The following MYO18B variants were observed in gnomAD, a reference collection of about 807,000 sequenced individuals.
The protein encoded by MYO18B is unconventional myosin-XVIIIb.
Under a neutral mutation model 273.0 loss-of-function variants are expected in MYO18B, and 204 were observed. The ratio of observed to expected loss-of-function variants is 0.75; its 90% CI spans 0.67 to 0.84. The LOEUF (loss-of-function observed/expected upper bound fraction) is 0.84. MYO18B is among the 40% of genes least tolerant of loss of function. The probability of loss-of-function intolerance (pLI) is 0.00; values close to 1 mark genes in which losing one functional copy is unlikely to be tolerated. For missense variants in MYO18B, 3,212 were observed against 3,287.6 expected (o/e 0.98, Z 0.56); for synonymous variants, 1,330 against 1,305.7 (o/e 1.02, Z -0.40).
At position 25,761,083 on chromosome 22, in the gene MYO18B, C is replaced by T. The variant is rs773367552; in HGVS notation, c.-10C>T. ...ATCTCATCATCTCACGGCCCTGGCACTGCCTCAGCATGGCCATCTCATCAC... is the reference window on the plus strand; with the variant it reads ...ATCTCATCATCTCACGGCCCTGGCATTGCCTCAGCATGGCCATCTCATCAC... On this transcript the variant is annotated 5_prime_UTR_variant, in exon 2 of 44. Transcript: ENST00000335473. 1 of 1,613,482 alleles carries T rather than the reference C, an allele frequency of 6.2e-7. No individual in the cohort carries two copies. Among genetic ancestry groups the T allele is most frequent in the Admixed American group, 1.7e-5 (1 of 60,030 alleles).
chr22:25,744,104 G>T (rs116965204), intron 1 of MYO18B, among the ~76,000 whole-genome samples: 1 of 152,298 alleles, frequency 6.6e-6, no homozygotes, highest in Non-Finnish European at 1.5e-5. Flanking sequence ...CTCAGCACCT[G>T]CCCTGTCAAA....
In MYO18B at chr22:25,903,790, A is replaced by G. The variant is rs1227582233; in HGVS notation, c.5107A>G (p.Ile1703Val). The G allele has an allele frequency of 6.2e-7, 1 of 1,603,478 alleles. No homozygotes were observed. Among genetic ancestry groups the G allele is most frequent in the South Asian group, 1.1e-5 (1 of 88,950 alleles). Residue 1703 changes from isoleucine (I) to valine (V), a missense_variant, in exon 31 of 44, where the codon ATC (isoleucine) becomes GTC (valine). Physicochemically the swap from Ile to Val is conservative, Grantham distance 29 (BLOSUM62 3). Coordinates refer to ENST00000335473, the MANE Select transcript of MYO18B (RefSeq NM_032608.7). ...ATCCAGCGCCCTTGAGCAACAGAAA[A>G]TCCAGAGCCAGCAGGAAAACACCAT... ...LESSALEQQK[I>V]QSQQENTIKQ...
intron 12 of MYO18B, among the ~76,000 whole-genome samples, chr22:25,806,232 G>A (rs762617114): frequency 2.6e-5 from 4 of 152,210 alleles, no homozygotes; most frequent in Admixed American, 1.3e-4. Context: ...GGCAGGTGAA[G>A]GAGAGGGACC....
intron 22 of MYO18B, among the ~76,000 whole-genome samples, chr22:25,872,474 G>A (rs1485119122): frequency 6.6e-6 from 1 of 152,188 alleles, no homozygotes; most frequent in African/African-American, 2.4e-5. Flanking sequence ...TTCATAACCT[G>A]CCTGAGCCAG....
At chr22:25,874,247 T>G (rs766618528) in intron 22 of MYO18B, 39 bp from the exon 23 acceptor site, 5 of 1,612,238 alleles carry the variant, frequency 3.1e-6, no homozygotes, top group Non-Finnish European at 4.2e-6. Flanking sequence ...GACAGCCTTC[T>G]TCAGCAGAGG....
intron 12 of MYO18B, among the ~76,000 whole-genome samples, chr22:25,820,231 T>C (rs955184005): frequency 1.3e-5 from 2 of 151,740 alleles, no homozygotes; most frequent in African/African-American, 4.8e-5. Flanking sequence ...ACAGTGATGC[T>C]CTTGTGACCA....
At chr22:25,960,105 T>C (rs73414070) in intron 39 of MYO18B, among the ~76,000 whole-genome samples, 2,072 of 152,274 alleles carry the variant, frequency 0.014, 44 homozygotes, top group African/African-American at 0.047. Context: ...CAGATCAGGA[T>C]CAATTACCCC....
downstream of MYO18B, among the ~76,000 whole-genome samples, chr22:26,032,679 G>A (rs909189406): frequency 2.0e-5 from 3 of 151,928 alleles, no homozygotes; most frequent in African/African-American, 7.3e-5. Flanking sequence ...GCACCACCAG[G>A]CCCAGCTAAT....
intron 27 of MYO18B, chr22:25,894,682 C>T (rs551385695): frequency 6.5e-6 from 1 of 153,530 alleles, no homozygotes; most frequent in East Asian, 1.9e-4. Flanking sequence ...TAAAGTTGGC[C>T]AGTAGGATGA....
the MYO18B span, among the ~76,000 whole-genome samples, chr22:26,041,620 T>C: frequency 6.6e-6 from 1 of 152,146 alleles, no homozygotes; most frequent in African/African-American, 2.4e-5. Context: ...TGATTTTACC[T>C]GGGATTTTTG....
chr22:25,799,160 T>TGTGTGTGTGTGTGTGC (rs908649603), intron 12 of MYO18B, among the ~76,000 whole-genome samples: 1 of 151,510 alleles, frequency 6.6e-6, no homozygotes, highest in Non-Finnish European at 1.5e-5. Context: ...TGTGTGTGTG[T>TGTGTGTGTGTGTGTGC]GCTTGGATAG....
At chr22:25,945,911 A>C (rs866953174) in intron 34 of MYO18B, among the ~76,000 whole-genome samples, 1 of 86 alleles carries the variant, frequency 0.012, no homozygotes, top group Admixed American at 0.083. Context: ...CGCCTCCCCT[A>C]CCCTCCCCTC....
intron 42 of MYO18B, among the ~76,000 whole-genome samples, chr22:26,010,829 C>T (rs1934852684): frequency 2.0e-5 from 3 of 152,062 alleles, no homozygotes; most frequent in Admixed American, 2.0e-4. Context: ...AACAGAAAAC[C>T]TCTTGGCAGT....
chr22:25,896,804 T>C (rs2091814825), intron 28 of MYO18B: 1 of 152,084 alleles, frequency 6.6e-6, no homozygotes, highest in South Asian at 2.1e-4. Flanking sequence ...ATTTCCCTGG[T>C]GTAAATACTC....
At chr22:25,944,163 A>G (rs1255602261) in intron 34 of MYO18B, among the ~76,000 whole-genome samples, 1 of 152,158 alleles carries the variant, frequency 6.6e-6, no homozygotes, top group Admixed American at 6.5e-5. Flanking sequence ...GAGGCACTTG[A>G]GTTACCTGCT....
At chr22:26,032,009 G>A (rs1233970095), downstream of MYO18B, among the ~76,000 whole-genome samples, 2 of 152,210 alleles carry the variant, frequency 1.3e-5, no homozygotes, top group East Asian at 1.9e-4. Flanking sequence ...CCAAAAGCTC[G>A]CCAACACTTA....
rs529708298 is a variant in MYO18B, at chr22:25,816,218, G to A, written c.2522-7287G>A. 3.3e-5 allele frequency among the ~76,000 whole-genome samples: 5 copies of A among 152,278 alleles called. No individual in the cohort carries two copies. The South Asian group carries it at 8.3e-4, about 25-fold the overall frequency. On this transcript the variant is annotated intron_variant, in intron 12 of 43. Transcript: ENST00000335473. The stretch of plus-strand genomic sequence containing the variant: ...AGCTGCCTGAATTGGATTTTCTCCC[G>A]GGGTTTCTCTTTCTGACCCATTTGT...
chr22:25,977,237 C>A (rs1040471590), intron 39 of MYO18B, among the ~76,000 whole-genome samples: 19 of 152,142 alleles, frequency 1.2e-4, no homozygotes, highest in Admixed American at 2.6e-4. Context: ...TTTTAATCAT[C>A]AGTGGCCTGG....
intron 21 of MYO18B, among the ~76,000 whole-genome samples, chr22:25,862,392 C>A (rs2090763306): frequency 6.6e-6 from 1 of 152,050 alleles, no homozygotes; most frequent in Non-Finnish European, 1.5e-5. Flanking sequence ...TTACATTTTC[C>A]TATGTGTTTT....
Sources: gnomAD v4.1 joint callset for allele counts (sites outside exome capture counted in the v4.1 genomes callset) on GRCh38, gnomAD v4.1.1 for gene constraint, MANE v1.5 for transcripts, NCBI Gene and HGNC (gene_info 2026-07-23, HGNC 2026-07-21) for gene names.